Variants in ITSN1 observed in about 807,000 individuals in gnomAD.
ITSN1 encodes the protein intersectin-1.
A neutral mutation model predicts 239.8 loss-of-function variants in ITSN1; 58 were observed. The ratio of observed to expected loss-of-function variants is 0.24; its 90% CI spans 0.20 to 0.30. ITSN1 has a LOEUF of 0.30. Among genes scored for constraint, ITSN1 ranks in the 10% least tolerant of loss-of-function variants. The pLI is 1.00. For missense variants in ITSN1, 1,558 were observed against 2,103.3 expected (o/e 0.74, Z 5.07); for synonymous variants, 780 against 770.8 (o/e 1.01, Z -0.20).
At chr21:33,843,968 G>A (rs751567616) in intron 29 of ITSN1, among the ~76,000 whole-genome samples, 1 of 152,226 alleles carries the variant, frequency 6.6e-6, no homozygotes, top group Non-Finnish European at 1.5e-5. Flanking sequence ...CCAATCAAGT[G>A]CCTTCTTTCA....
rs774258924 is a variant in ITSN1, at chr21:33,767,764, T to C, written c.978T>C (p.Asp326=). 5 of 1,613,480 alleles carry C rather than the reference T, an allele frequency of 3.1e-6. No individual in the cohort carries two copies. Among genetic ancestry groups the C allele is most frequent in the Non-Finnish European group, 4.2e-6 (5 of 1,179,636 alleles). Residue 326 remains aspartate (D), a synonymous_variant, in exon 11 of 40, where the codon GAT becomes GAC. Transcript: ENST00000381318. ...GISVISSTSV[D]QRLPEEPVLE... is the part of the protein sequence containing the mutation. ...CTGTCATAAGCTCAACATCTGTAGA[T>C]CAGAGGCTACCAGAGGAACCAGTTT...
intron 1 of ITSN1, among the ~76,000 whole-genome samples, chr21:33,648,909 G>A (rs1568834417): frequency 6.6e-6 from 1 of 151,860 alleles, no homozygotes; most frequent in Admixed American, 6.6e-5. Context: ...GAAAGAAAGA[G>A]GAGAGAGAGA....
intron 9 of ITSN1, 78 bp from the exon 10 acceptor site, chr21:33,765,797 A>G (rs2068681331): frequency 6.7e-7 from 1 of 1,503,494 alleles, no homozygotes; most frequent in Non-Finnish European, 9.2e-7. Context: ...AAGAAAACAT[A>G]ACTTTTAAAT....
intron 1 of ITSN1, among the ~76,000 whole-genome samples, chr21:33,695,727 T>C (rs1251218532): frequency 6.6e-6 from 1 of 152,222 alleles, no homozygotes; most frequent in Non-Finnish European, 1.5e-5. Flanking sequence ...GATTTTCTTC[T>C]TTTTATTTTG....
At chr21:33,804,357 T>A (rs936181018) in intron 20 of ITSN1, among the ~76,000 whole-genome samples, 1 of 152,260 alleles carries the variant, frequency 6.6e-6, no homozygotes, top group Non-Finnish European at 1.5e-5. Context: ...TATAGCACTA[T>A]TCTCAGCACT....
intron 1 of ITSN1, among the ~76,000 whole-genome samples, chr21:33,645,887 C>T (rs1009936314): frequency 6.6e-6 from 1 of 152,140 alleles, no homozygotes; most frequent in Non-Finnish European, 1.5e-5. Flanking sequence ...AGTTTTATCC[C>T]TTAGGCTGCT....
At chr21:33,651,782 TGTC>T (rs1369034394) in intron 1 of ITSN1, among the ~76,000 whole-genome samples, 3 of 152,220 alleles carry the variant, frequency 2.0e-5, no homozygotes, top group African/African-American at 4.8e-5. Flanking sequence ...ATGCTGCTGT[TGTC>T]TGTCCAATCT....
intron 16 of ITSN1, 80 bp downstream of exon 16, chr21:33,782,213 C>A: frequency 1.5e-6 from 2 of 1,351,636 alleles, no homozygotes; most frequent in Non-Finnish European, 2.1e-6. Context: ...GCTATTTAAT[C>A]ACAGGCAGAA....
intron 24 of ITSN1, among the ~76,000 whole-genome samples, chr21:33,819,968 G>A (rs1297247220): frequency 1.3e-5 from 2 of 152,080 alleles, no homozygotes; most frequent in Non-Finnish European, 2.9e-5. Context: ...CGGCCTGGGC[G>A]ACAGAGCGAG....
chr21:33,780,777 C>T (rs751995764), intron 14 of ITSN1, among the ~76,000 whole-genome samples: 1 of 152,136 alleles, frequency 6.6e-6, no homozygotes, highest in African/African-American at 2.4e-5. Flanking sequence ...AGAAACTATA[C>T]AGGATATTTT....
At chr21:33,700,500 T>C (rs2091961603) in intron 1 of ITSN1, among the ~76,000 whole-genome samples, 1 of 152,246 alleles carries the variant, frequency 6.6e-6, no homozygotes, top group Non-Finnish European at 1.5e-5. Context: ...ATGTAGTTGT[T>C]CACAGTTGAG....
chr21:33,801,497 C>T (rs1199175103), intron 19 of ITSN1, among the ~76,000 whole-genome samples: 1 of 152,154 alleles, frequency 6.6e-6, no homozygotes, highest in Non-Finnish European at 1.5e-5. Flanking sequence ...GGGTCTCACT[C>T]TGTCACCTAG....
intron 1 of ITSN1, among the ~76,000 whole-genome samples, chr21:33,709,072 CAG>C (rs779879885): frequency 2.3e-4 from 35 of 152,246 alleles, no homozygotes; most frequent in Non-Finnish European, 3.8e-4. Context: ...ATCTTGAAAT[CAG>C]GGTAAATCTT....
chr21:33,884,586 G>A (rs749957120), intron 36 of ITSN1, among the ~76,000 whole-genome samples: 2 of 152,194 alleles, frequency 1.3e-5, no homozygotes, highest in East Asian at 1.9e-4. Context: ...GGAGAAAACC[G>A]CGGCCACAAA....
chr21:33,746,328 C>T (rs1255322644), intron 5 of ITSN1, among the ~76,000 whole-genome samples: 2 of 152,112 alleles, frequency 1.3e-5, no homozygotes, highest in East Asian at 3.8e-4. Context: ...TATTGTCTCA[C>T]CCTCAAGAAA....
chr21:33,739,814 G>C (rs2066732978), intron 5 of ITSN1, among the ~76,000 whole-genome samples: 1 of 152,194 alleles, frequency 6.6e-6, no homozygotes, highest in Non-Finnish European at 1.5e-5. Context: ...GGAAAAGCAA[G>C]CAAACAACAG....
intron 33 of ITSN1, among the ~76,000 whole-genome samples, chr21:33,873,389 G>A (rs893852438): frequency 6.6e-6 from 1 of 152,164 alleles, no homozygotes; most frequent in Non-Finnish European, 1.5e-5. Context: ...TCCAGCACAG[G>A]GTGATAATTG....
chr21:33,733,009 C>CA (rs1221877213), intron 4 of ITSN1, among the ~76,000 whole-genome samples: 1 of 152,062 alleles, frequency 6.6e-6, no homozygotes, highest in Non-Finnish European at 1.5e-5. Flanking sequence ...ATCAATTCTC[C>CA]AAAAATCCCC....
intron 1 of ITSN1, among the ~76,000 whole-genome samples, chr21:33,703,963 C>T (rs533584584): frequency 3.9e-5 from 6 of 152,288 alleles, no homozygotes; most frequent in Non-Finnish European, 8.8e-5. Flanking sequence ...GGTAACTCTC[C>T]TGCTTTCTAG....
Sources: allele counts gnomAD v4.1 joint callset (sites outside exome capture counted in the v4.1 genomes callset), GRCh38; gene constraint gnomAD v4.1.1; transcripts MANE v1.5; gene names NCBI Gene and HGNC (gene_info 2026-07-23, HGNC 2026-07-21).